The following LMCD1 variants were observed in gnomAD, a reference collection of about 807,000 sequenced individuals.
LMCD1 encodes LIM and cysteine rich domains 1.
In LMCD1, 32 loss-of-function variants were observed where a neutral mutation model predicts 42.7. The ratio of observed to expected loss-of-function variants is 0.75; its 90% CI spans 0.57 to 1.01. The LOEUF (loss-of-function observed/expected upper bound fraction) is 1.01, where lower values mean the gene tolerates loss of function less well. Ranked by LOEUF, LMCD1 falls within the 50% of genes least tolerant of loss-of-function variation. The pLI is 0.00. For missense variants in LMCD1, 458 were observed against 483.1 expected, an observed-to-expected ratio of 0.95 and a Z score of 0.49; for synonymous variants, 178 against 184.9, an observed-to-expected ratio of 0.96 and a Z score of 0.30.
intron 5 of LMCD1, among the ~76,000 whole-genome samples, chr3:8,566,181 CTT>C (rs2125041625): frequency 6.6e-6 from 1 of 152,282 alleles, no homozygotes; most frequent in Admixed American, 6.5e-5. Context: ...TAATATGAGA[CTT>C]AACATTAATA....
At chr3:8,538,610 C>T (rs767382432) in intron 3 of LMCD1, among the ~76,000 whole-genome samples, 106 of 152,206 alleles carry the variant, frequency 7.0e-4, no homozygotes, top group Non-Finnish European at 1.3e-3. Flanking sequence ...TTGGGGCCTT[C>T]GCACGTCCTG....
At chr3:8,506,298 G>C (rs372315359) in intron 1 of LMCD1, among the ~76,000 whole-genome samples, 5 of 152,160 alleles carry the variant, frequency 3.3e-5, no homozygotes, top group Non-Finnish European at 7.3e-5. Flanking sequence ...CTACGAGTTG[G>C]AAAGTGGAAA....
chr3:8,549,280 A>G (rs186257270), intron 4 of LMCD1, among the ~76,000 whole-genome samples: 1 of 152,228 alleles, frequency 6.6e-6, no homozygotes, highest in Non-Finnish European at 1.5e-5. Context: ...GTACCCCCTT[A>G]AAGAGGTGAG....
At position 8,521,898 on chromosome 3, in the gene LMCD1, GT is replaced by G. The variant is rs199893250; in HGVS notation, c.43-10831del. Among the ~76,000 whole-genome samples the G allele has an allele frequency of 5.9e-3, 890 of 151,728 alleles. 10 individuals are homozygous for G. The highest frequency in any genetic ancestry group is 0.021 in the African/African-American group (851 of 41,392). Reference sequence around the variant, plus strand: ...TTTTTTCATTTTGGTTTTGGTTTTTGTTTTTTTTCAAGATGGATGCAGATGG... The same window carrying G: ...TTTTTTCATTTTGGTTTTGGTTTTTGTTTTTTTCAAGATGGATGCAGATGG... On this transcript the variant is annotated intron_variant, in intron 1 of 5. Transcript: ENST00000157600.
chr3:8,527,325 A>T (rs543158577), intron 1 of LMCD1, among the ~76,000 whole-genome samples: 1 of 152,208 alleles, frequency 6.6e-6, no homozygotes, highest in African/African-American at 2.4e-5. Context: ...GACCATCTGG[A>T]TGGGCAAGTT....
chr3:8,530,736 A>G (rs145036194), intron 1 of LMCD1, among the ~76,000 whole-genome samples: 43 of 152,374 alleles, frequency 2.8e-4, no homozygotes, highest in African/African-American at 9.9e-4. Flanking sequence ...AACTAGGAGA[A>G]CTGAAGGTGT....
intron 3 of LMCD1, among the ~76,000 whole-genome samples, chr3:8,539,163 A>G (rs1411551629): frequency 2.6e-5 from 4 of 152,116 alleles, no homozygotes; most frequent in African/African-American, 9.7e-5. Flanking sequence ...AAACAAACAA[A>G]CCTTGATCCT....
chr3:8,558,951 G>A (rs1316020734), intron 4 of LMCD1, among the ~76,000 whole-genome samples: 7 of 152,188 alleles, frequency 4.6e-5, no homozygotes, highest in Middle Eastern at 3.4e-3. Context: ...AGGTGGTGGC[G>A]GTGGGGGAGC....
intron 4 of LMCD1, among the ~76,000 whole-genome samples, chr3:8,561,617 G>A (rs1035295882): frequency 6.6e-6 from 1 of 152,180 alleles, no homozygotes; most frequent in East Asian, 1.9e-4. Flanking sequence ...GTCAGGTTTG[G>A]CCTTTGTTCA....
rs545465453 is a variant in LMCD1 at position 8,512,882 on chromosome 3, G to A, written c.42+10902G>A. ...CAGATGACTTGCTTGAGGTCACAGAGCTAGTTAGTGGGAGAGGTAGGATTA... is the reference window on the plus strand; with the variant it reads ...CAGATGACTTGCTTGAGGTCACAGAACTAGTTAGTGGGAGAGGTAGGATTA... On this transcript the variant is annotated intron_variant, in intron 1 of 5. Transcript: ENST00000157600. Among the ~76,000 whole-genome samples the A allele has an allele frequency of 2.6e-5, 4 of 152,316 alleles. No homozygotes were observed. The East Asian group carries it at 7.7e-4, about 29-fold the overall frequency.
chr3:8,567,830 A>T lies in LMCD1; in HGVS notation c.*232A>T, dbSNP rs532152481. On this transcript the variant is annotated 3_prime_UTR_variant, in exon 6 of 6. Transcript: ENST00000157600. ...AACCAAAAATATTCTAAGAAGTCTTAGGATGGAGTTCCTTTTCTTTCTGTT... is the reference window on the plus strand; with the variant it reads ...AACCAAAAATATTCTAAGAAGTCTTTGGATGGAGTTCCTTTTCTTTCTGTT... 1 of 334,626 alleles carries T rather than the reference A, an allele frequency of 3.0e-6. No individual in the cohort carries two copies. The highest frequency in any genetic ancestry group is 4.9e-5 in the East Asian group (1 of 20,574). The allele number at this position is 334,626 out of a possible 1,614,324, so 20.7% of individuals were successfully genotyped here.
At chr3:8,502,305 A>AAATATATAT in intron 1 of LMCD1, among the ~76,000 whole-genome samples, 1 of 21,732 alleles carries the variant, frequency 4.6e-5, no homozygotes, top group African/African-American at 1.8e-4. Flanking sequence ...ATTATATATA[A>AAATATATAT]TATATAAAAT....
Position 8,512,478 on chromosome 3 carries a change from T to G in LMCD1, c.42+10498T>G, listed in dbSNP as rs187094632. On this transcript the variant is annotated intron_variant, in intron 1 of 5. Transcript: ENST00000157600. Reference sequence around the variant, plus strand: ...ATCCCAGATGATTCCCTGGCAATTATCTGAAAAATAACATTATGGTGATCA... The same window carrying G: ...ATCCCAGATGATTCCCTGGCAATTAGCTGAAAAATAACATTATGGTGATCA... Among the ~76,000 whole-genome samples the G allele has an allele frequency of 2.0e-5, 3 of 152,332 alleles. No individual in the cohort carries two copies. In the East Asian group the frequency reaches 5.8e-4, roughly 29 times the overall value.
chr3:8,547,401 G>C (rs73135672), intron 3 of LMCD1, among the ~76,000 whole-genome samples: 7 of 152,152 alleles, frequency 4.6e-5, no homozygotes, highest in Admixed American at 2.0e-4. Context: ...AGAAGACTGG[G>C]TGCCCTTATT....
chr3:8,532,752 C>T lies in LMCD1; in HGVS notation c.58C>T (p.Leu20=), dbSNP rs765817278. ...PGVKKMSLGQ[L]QSARGVACLG... The stretch of plus-strand genomic sequence containing the variant: ...CCTTTTCCAGATGTCCCTGGGCCAG[C>T]TGCAGTCAGCAAGAGGTGTGGCATG... The change falls in exon 2 of 6, where the codon CTG becomes TTG. Residue 20 remains leucine, a synonymous_variant. Transcript: ENST00000157600. 1.2e-6 allele frequency: 2 copies of T among 1,613,524 alleles called. No individual in the cohort carries two copies. The highest frequency in any genetic ancestry group is 3.3e-5 in the Admixed American group (2 of 59,942).
chr3:8,523,610 C>CT (rs1694243529), intron 1 of LMCD1, among the ~76,000 whole-genome samples: 1 of 152,222 alleles, frequency 6.6e-6, no homozygotes, highest in Non-Finnish European at 1.5e-5. Context: ...CTTCCCAAAG[C>CT]TTGGGGAGGT....
intron 3 of LMCD1, among the ~76,000 whole-genome samples, chr3:8,541,192 G>A (rs1694619503): frequency 6.6e-6 from 1 of 152,138 alleles, no homozygotes; most frequent in Non-Finnish European, 1.5e-5. Flanking sequence ...GATACAGGCA[G>A]ATTCCTGGAA....
At chr3:8,531,882 C>G (rs1694419727) in intron 1 of LMCD1, among the ~76,000 whole-genome samples, 1 of 152,196 alleles carries the variant, frequency 6.6e-6, no homozygotes, top group South Asian at 2.1e-4. Context: ...ATCCCTGTAC[C>G]AAGTCGTCCC....
chr3:8,550,680 A>C, intron 4 of LMCD1: 1 of 985,014 alleles, frequency 1.0e-6, no homozygotes, highest in Non-Finnish European at 1.2e-6. Context: ...TAAGGATGTA[A>C]AAAAGAAAAA....
Sources: allele counts gnomAD v4.1 joint callset (sites outside exome capture counted in the v4.1 genomes callset), GRCh38; gene constraint gnomAD v4.1.1; transcripts MANE v1.5; gene names NCBI Gene and HGNC (gene_info 2026-07-23, HGNC 2026-07-21).